MFSD8: variants seen among roughly 807,000 people sequenced by gnomAD.
MFSD8 encodes the protein major facilitator superfamily domain-containing protein 8.
In MFSD8, 55 loss-of-function variants were observed where a neutral mutation model predicts 66.4. That is an observed-to-expected ratio of 0.83 (90% CI 0.67 to 1.04). MFSD8 has a LOEUF of 1.04. Among genes scored for constraint, MFSD8 ranks in the 50% least tolerant of loss-of-function variants. The pLI is 0.00. For synonymous variants in MFSD8, 202 were observed against 212.8 expected (o/e 0.95, Z 0.44); for missense variants, 550 against 627.6 (o/e 0.88, Z 1.32).
Position 127,923,552 on chromosome 4 carries a change from T to TTTATTATTATTA in MFSD8, c.999-1601_999-1590dup, listed in dbSNP as rs200387529. Among the ~76,000 whole-genome samples, 467 of 130,554 alleles carry TTTATTATTATTA rather than the reference T, an allele frequency of 3.6e-3. 2 individuals carry two copies. The highest frequency in any genetic ancestry group is 4.0e-3 in the Non-Finnish European group (253 of 62,962). The allele number at this position is 130,554 out of a possible 152,430, so 85.6% of individuals were successfully genotyped here. On this transcript the variant is annotated intron_variant, in intron 9 of 11. Coordinates refer to ENST00000641686, the MANE Select transcript of MFSD8 (RefSeq NM_001371596.2). The stretch of plus-strand genomic sequence containing the variant: ...TCCAGTATTTTATTTTTTATTTTTA[T>TTTATTATTATTA]TTATTATTATTATTATTATTATTAT...
chr4:127,949,986 A>T, intron 2 of MFSD8, 139 bp from the exon 3 acceptor site: 1 of 630,738 alleles, frequency 1.6e-6, no homozygotes, highest in South Asian at 2.5e-5. Flanking sequence ...TTTATGAGGC[A>T]ATGAGATTTT....
At chr4:127,941,437 T>C (rs577831965) in intron 5 of MFSD8, among the ~76,000 whole-genome samples, 2 of 152,238 alleles carry the variant, frequency 1.3e-5, no homozygotes, top group Admixed American at 6.5e-5. Flanking sequence ...CAGCAGAAAA[T>C]TAATTTGCCT....
At chr4:127,939,080 A>G (rs886126030) in intron 6 of MFSD8, 1 of 325,626 alleles carries the variant, frequency 3.1e-6, no homozygotes, top group Non-Finnish European at 5.6e-6. Context: ...AGCATACATG[A>G]TCTACTTTAG....
intron 1 of MFSD8, among the ~76,000 whole-genome samples, chr4:127,959,574 G>A (rs972138020): frequency 7.9e-5 from 12 of 151,988 alleles, no homozygotes; most frequent in African/African-American, 2.9e-4. Flanking sequence ...TAAGTACTTG[G>A]GACAAAGTAT....
rs547726489 is a variant in MFSD8, at chr4:127,920,742, C to T, written c.1445G>A (p.Arg482Gln). 30 of 1,613,948 alleles carry T rather than the reference C, an allele frequency of 1.9e-5. No individual in the cohort carries two copies. The East Asian group carries it at 3.6e-4, about 19-fold the overall frequency. Residue 482 changes from arginine to glutamine, a missense_variant, in exon 12 of 12, where the codon CGA becomes CAA. Transcript: ENST00000641686. Reference sequence around the variant, plus strand: ...TCCACACACCAGGCTGAATGCCCATCGTGGTCCCCAGTGAGCATACACTTG... The same window carrying T: ...TCCACACACCAGGCTGAATGCCCATTGTGGTCCCCAGTGAGCATACACTTG... ...ISQVYAHWGPRWAFSLVCGII... is the reference protein window; with the variant it reads ...ISQVYAHWGPQWAFSLVCGII...
chr4:127,928,874 T>C (rs1241269489), intron 9 of MFSD8, among the ~76,000 whole-genome samples: 1 of 152,002 alleles, frequency 6.6e-6, no homozygotes, highest in Non-Finnish European at 1.5e-5. Flanking sequence ...ATAAATGTGG[T>C]ATATATATAT....
chr4:127,939,856 A>G lies in MFSD8; in HGVS notation c.695T>C (p.Leu232Pro), dbSNP rs2148907133. The G allele has an allele frequency of 1.9e-6, 3 of 1,611,476 alleles. No homozygotes were observed. The highest frequency in any genetic ancestry group is 2.2e-5 in the East Asian group (1 of 44,756). ...TTTATCATTTCTATCTAATTACCTT[A>G]GTATGGCAAGGATCAGAATAATATT... ...ILNIILILAI[L>P]REHRVDDSGR... Residue 232 changes from leucine (L) to proline (P), a missense_variant, in exon 6 of 12, where the codon CTA (leucine) becomes CCA (proline). Physicochemically the swap from Leu to Pro is moderately conservative, Grantham distance 98. Transcript: ENST00000641686.
chr4:127,964,377 G>T (rs1744552624), intron 1 of MFSD8, among the ~76,000 whole-genome samples: 1 of 152,222 alleles, frequency 6.6e-6, no homozygotes, highest in Admixed American at 6.5e-5. Context: ...CCCGAGCCCT[G>T]CCCCGCGGGA....
chr4:127,961,149 G>A (rs1314604090), intron 1 of MFSD8, among the ~76,000 whole-genome samples: 1 of 152,136 alleles, frequency 6.6e-6, no homozygotes, highest in Non-Finnish European at 1.5e-5. Context: ...GGAAAAGTTG[G>A]TGGTGACCTA....
intron 7 of MFSD8, among the ~76,000 whole-genome samples, chr4:127,937,016 G>A (rs1177859301): frequency 2.6e-5 from 4 of 152,060 alleles, no homozygotes; most frequent in Admixed American, 6.6e-5. Context: ...GAGTTTATAC[G>A]CACTGCTGGC....
In MFSD8 at chr4:127,943,970, C is replaced by T. The variant is rs759313071; in HGVS notation, c.221G>A (p.Ser74Asn). The stretch of plus-strand genomic sequence containing the variant: ...TGAAGCAATAACCCAGCCCAAAAAA[C>T]TTGTATCAGCTGTCGGATCAATCTG... ...LQKIDPTADT[S>N]FLGWVIASYS... The change falls in exon 4 of 12, where the codon AGT becomes AAT. Residue 74 changes from serine to asparagine, a missense_variant. Ser to Asn is a conservative substitution (Grantham distance 46). Coordinates refer to ENST00000641686, the MANE Select transcript of MFSD8 (RefSeq NM_001371596.2). 1 of 1,614,220 alleles carries T rather than the reference C, an allele frequency of 6.2e-7. No individual in the cohort carries two copies. Among genetic ancestry groups the T allele is most frequent in the Non-Finnish European group, 8.5e-7 (1 of 1,180,028 alleles).
intron 9 of MFSD8, among the ~76,000 whole-genome samples, chr4:127,926,373 T>TTCC (rs147135251): frequency 0.018 from 1,539 of 86,428 alleles, 58 homozygotes; most frequent in East Asian, 0.17. Context: ...TAAATGTAAC[T>TTCC]TCCTCATATA....
intron 2 of MFSD8, among the ~76,000 whole-genome samples, chr4:127,952,100 A>T (rs1432668723): frequency 2.6e-5 from 4 of 151,996 alleles, no homozygotes; most frequent in Non-Finnish European, 5.9e-5. Context: ...TTTAAAACAT[A>T]ATTTAATTAT....
intron 1 of MFSD8, among the ~76,000 whole-genome samples, chr4:127,961,658 C>CA (rs895899720): frequency 6.6e-6 from 1 of 151,206 alleles, no homozygotes; most frequent in Admixed American, 6.6e-5. Flanking sequence ...ACTAAAAATA[C>CA]AAAAAAAATT....
intron 1 of MFSD8, 128 bp downstream of exon 1, chr4:127,964,944 C>A (rs776286809): frequency 8.0e-5 from 91 of 1,134,698 alleles, no homozygotes; most frequent in Non-Finnish European, 1.2e-4. Flanking sequence ...CACAACCCAG[C>A]CACCGGCTCC....
At chr4:127,924,223 G>T (rs943476692) in intron 9 of MFSD8, among the ~76,000 whole-genome samples, 4 of 152,112 alleles carry the variant, frequency 2.6e-5, no homozygotes, top group African/African-American at 9.7e-5. Context: ...AGTCTTGGGA[G>T]GGTGTATGTG....
intron 1 of MFSD8, among the ~76,000 whole-genome samples, chr4:127,959,967 C>T (rs747398834): frequency 2.6e-5 from 4 of 152,020 alleles, no homozygotes; most frequent in East Asian, 1.9e-4. Context: ...CTTGTATGAC[C>T]GGGTACAAAA....
intron 3 of MFSD8, among the ~76,000 whole-genome samples, chr4:127,944,374 G>A (rs1345518308): frequency 1.3e-5 from 2 of 151,878 alleles, no homozygotes; most frequent in East Asian, 1.9e-4. Context: ...TACCCTATAC[G>A]TTAAACAGCC....
Position 127,938,741 on chromosome 4 carries a change from T to C in MFSD8, c.754+42A>G, listed in dbSNP as rs747864320. ...AACAAACAGAATCATTAGAAACACT[T>C]TGATAATGTTATATTAATTCAGCCA... On this transcript the variant is annotated intron_variant, in intron 7 of 11. Transcript: ENST00000641686. The C allele has an allele frequency of 9.9e-6, 15 of 1,514,820 alleles. No individual in the cohort carries two copies. In the African/African-American group the frequency reaches 1.2e-4, roughly 12 times the overall value. 93.8% of individuals were successfully genotyped at this position (1,514,820 alleles called of 1,614,324 possible).
Sources: allele counts gnomAD v4.1 joint callset (sites outside exome capture counted in the v4.1 genomes callset), GRCh38; gene constraint gnomAD v4.1.1; transcripts MANE v1.5; gene names NCBI Gene and HGNC (gene_info 2026-07-23, HGNC 2026-07-21).